Variants in CTNND1 observed in about 807,000 individuals in gnomAD.
The protein encoded by CTNND1 is catenin delta-1.
In CTNND1, 16 loss-of-function variants were observed where a neutral mutation model predicts 112.1. The observed-to-expected ratio is 0.14, with a 90% CI of 0.10 to 0.22. The LOEUF (loss-of-function observed/expected upper bound fraction) is 0.22, where lower values mean the gene tolerates loss of function less well. Ranked by LOEUF, CTNND1 falls within the 10% of genes least tolerant of loss-of-function variation. CTNND1 has a pLI of 1.00. For missense variants in CTNND1, 1,008 were observed against 1,257.0 expected (o/e 0.80, Z 3.00); for synonymous variants, 420 against 446.5 (o/e 0.94, Z 0.75).
chr11:57,797,136 C>T (rs1342048611), intron 6 of CTNND1, 144 bp downstream of exon 6: 1 of 503,484 alleles, frequency 2.0e-6, no homozygotes, highest in Non-Finnish European at 3.2e-6. Flanking sequence ...GAAAAGCTAC[C>T]CTGTTTTTCC....
At chr11:57,784,306 G>A (rs1293972304) in intron 1 of CTNND1, among the ~76,000 whole-genome samples, 2 of 151,016 alleles carry the variant, frequency 1.3e-5, no homozygotes, top group African/African-American at 4.9e-5. Context: ...CACTTTGGGA[G>A]GCCAAGGCAA....
Position 57,806,464 on chromosome 11 carries a change from A to C in CTNND1, c.1880A>C (p.Glu627Ala). The part of the protein sequence containing the change: ...SCFGAKKGKD[E>A]WFSRGKKPIE... The stretch of plus-strand genomic sequence containing the variant: ...ACCTTGGGTGATGCACTGGAAGATG[A>C]GTGGTTCTCCAGAGGTGAGTGGAGT... The change falls in exon 11 of 21, where the codon GAG becomes GCG. Residue 627 changes from glutamate to alanine, a missense_variant. Coordinates refer to ENST00000399050, the MANE Select transcript of CTNND1 (RefSeq NM_001085458.2). The C allele has an allele frequency of 6.2e-7, 1 of 1,603,604 alleles. No individual in the cohort carries two copies. Among genetic ancestry groups the C allele is most frequent in the African/African-American group, 1.3e-5 (1 of 74,898 alleles).
At chr11:57,803,269 G>T (rs749743921) in intron 7 of CTNND1, among the ~76,000 whole-genome samples, 59 of 152,054 alleles carry the variant, frequency 3.9e-4, no homozygotes, top group Non-Finnish European at 7.4e-4. Flanking sequence ...CACCACGCCC[G>T]GCTAATTTTT....
chr11:57,791,278 A>C (rs1248800881), intron 2 of CTNND1, 107 bp from the exon 3 acceptor site: 2 of 940,308 alleles, frequency 2.1e-6, no homozygotes, highest in East Asian at 6.8e-5. Flanking sequence ...TGCTTTCTGC[A>C]CTGCAGTAAA....
At chr11:57,810,427 C>A (rs1043724089) in intron 16 of CTNND1, among the ~76,000 whole-genome samples, 2 of 151,908 alleles carry the variant, frequency 1.3e-5, no homozygotes, top group African/African-American at 4.8e-5. Flanking sequence ...CTCCCGGGTT[C>A]AAGTGATTCT....
intron 6 of CTNND1, among the ~76,000 whole-genome samples, chr11:57,798,568 G>A (rs992389105): frequency 1.3e-5 from 2 of 152,080 alleles, no homozygotes; most frequent in African/African-American, 4.8e-5. Context: ...TCCTTGGGTG[G>A]GGGTCGGGGG....
intron 15 of CTNND1, among the ~76,000 whole-genome samples, chr11:57,809,887 T>A (rs560679041): frequency 6.6e-6 from 1 of 152,186 alleles, no homozygotes; most frequent in South Asian, 2.1e-4. Flanking sequence ...TTTTTTGTAC[T>A]TTTAGTGGAG....
At chr11:57,784,594 CTT>C (rs1270179967) in intron 1 of CTNND1, among the ~76,000 whole-genome samples, 1 of 152,074 alleles carries the variant, frequency 6.6e-6, no homozygotes, top group Admixed American at 6.5e-5. Context: ...ACTTTTGTCT[CTT>C]GAGTTCAAGT....
intron 1 of CTNND1, chr11:57,781,502 C>T (rs1355525587): frequency 6.6e-6 from 1 of 152,224 alleles, no homozygotes; most frequent in African/African-American, 2.4e-5. Context: ...CATTTGGCCT[C>T]TCCCCTTCCT....
intron 8 of CTNND1, 163 bp downstream of exon 8, chr11:57,803,967 C>G: frequency 1.8e-6 from 1 of 542,068 alleles, no homozygotes; most frequent in South Asian, 2.9e-5. Flanking sequence ...TTGCTATTCT[C>G]TCATGTATAC....
At chr11:57,808,102 C>A in intron 12 of CTNND1, 63 bp from the exon 13 acceptor site, 1 of 1,542,928 alleles carries the variant, frequency 6.5e-7, no homozygotes. Flanking sequence ...GGACTCCAGC[C>A]AGCTAGAGCC....
At chr11:57,768,205 G>C (rs1041087599) in intron 1 of CTNND1, among the ~76,000 whole-genome samples, 4 of 151,982 alleles carry the variant, frequency 2.6e-5, no homozygotes, top group African/African-American at 9.7e-5. Context: ...TGGGCTTCCT[G>C]AGTGGGTAAA....
chr11:57,768,457 G>T (rs906616405), intron 1 of CTNND1, among the ~76,000 whole-genome samples: 1 of 127,694 alleles, frequency 7.8e-6, no homozygotes. Context: ...GCAGTGGCGC[G>T]ATCTCGGCTC....
At chr11:57,796,009 AAGAT>A (rs1043973261) in intron 5 of CTNND1, among the ~76,000 whole-genome samples, 1 of 152,144 alleles carries the variant, frequency 6.6e-6, no homozygotes, top group African/African-American at 2.4e-5. Context: ...GATGGAAAGA[AAGAT>A]AGATGGTAGG....
At position 57,804,679 on chromosome 11, in the gene CTNND1, A is replaced by C. The variant is rs1256979294; in HGVS notation, c.1621A>C (p.Arg541=). 1 of 1,613,716 alleles carries C rather than the reference A, an allele frequency of 6.2e-7. No individual in the cohort carries two copies. The highest frequency in any genetic ancestry group is 1.7e-5 in the Admixed American group (1 of 60,030). Residue 541 remains arginine (R), a synonymous_variant, in exon 9 of 21, where the codon AGG becomes CGG. Transcript: ENST00000399050. The part of the protein sequence containing the change: ...AGCLRNVSSE[R]SEARRKLREC... ...TCCCCTCAGGAATGTAAGCTCAGAG[A>C]GGAGTGAAGCTCGCCGGAAACTTCG...
Position 57,815,500 on chromosome 11 carries a change from G to T in CTNND1, c.2808G>T (p.Met936Ile), listed in dbSNP as rs2137694932. 1 of 1,605,312 alleles carries T rather than the reference G, an allele frequency of 6.2e-7. No homozygotes were observed. The part of the protein sequence containing the change: ...MEPLKGTTPL[M>I]QDEGQESLEE... ...CATTGAAGGGAACAACACCCTTGATGGTAAATTCTCTTTATATACTGCTAT... is the reference window on the plus strand; with the variant it reads ...CATTGAAGGGAACAACACCCTTGATTGTAAATTCTCTTTATATACTGCTAT... Residue 936 changes from methionine to isoleucine, a missense_variant and splice_region_variant, in exon 19 of 21, where the codon ATG becomes ATT. By Grantham distance (10) the Met-to-Ile change is conservative. This residue lies in a region of CTNND1 where 106 missense variants were observed against 116.2 expected (regional missense o/e 0.91). Coordinates refer to ENST00000399050, the MANE Select transcript of CTNND1 (RefSeq NM_001085458.2).
chr11:57,802,146 T>C lies in CTNND1; in HGVS notation c.1370T>C (p.Val457Ala), dbSNP rs775746543. The change falls in exon 7 of 21, where the codon GTG becomes GCG. Residue 457 changes from valine to alanine, a missense_variant. Physicochemically the swap from Val to Ala is moderately conservative, Grantham distance 64. This residue lies in a region of CTNND1 where 216 missense variants were observed against 342.8 expected (regional missense o/e 0.63). Coordinates refer to ENST00000399050, the MANE Select transcript of CTNND1 (RefSeq NM_001085458.2). ...AACTGTGATGGTGTGCCTGCCCTTG[T>C]GCGATTGCTTCGAAAGGCTCGTGAT... ...IKNCDGVPALVRLLRKARDMD... is the reference protein window; with the variant it reads ...IKNCDGVPALARLLRKARDMD... 30 of 1,613,988 alleles carry C rather than the reference T, an allele frequency of 1.9e-5. No homozygotes were observed. The highest frequency in any genetic ancestry group is 2.5e-5 in the Non-Finnish European group (30 of 1,179,864).
chr11:57,809,548 A>G, intron 15 of CTNND1, 82 bp downstream of exon 15: 2 of 1,256,860 alleles, frequency 1.6e-6, no homozygotes, highest in Non-Finnish European at 2.2e-6. Context: ...CTAAGAAAGG[A>G]AATTTCCCCT....
At chr11:57,814,996 C>G (rs562422934) in intron 18 of CTNND1, among the ~76,000 whole-genome samples, 22 of 152,252 alleles carry the variant, frequency 1.4e-4, no homozygotes, top group Non-Finnish European at 2.9e-4. Flanking sequence ...GAGACAGAGT[C>G]TCACTCGTTC....
Sources: allele counts gnomAD v4.1 joint callset (sites outside exome capture counted in the v4.1 genomes callset), GRCh38; gene constraint gnomAD v4.1.1; regional missense constraint gnomAD v4.1.1; transcripts MANE v1.5; gene names NCBI Gene and HGNC (gene_info 2026-07-23, HGNC 2026-07-21).